The following GLIS3 variants were observed in gnomAD, a reference collection of about 807,000 sequenced individuals.
The protein encoded by GLIS3 is GLIS family zinc finger 3.
GLIS3 carries 53 observed loss-of-function variants against 78.6 expected under a neutral mutation model. The ratio of observed to expected loss-of-function variants is 0.67; its 90% CI spans 0.54 to 0.85. The LOEUF (loss-of-function observed/expected upper bound fraction) is 0.85. Among genes scored for constraint, GLIS3 ranks in the 40% least tolerant of loss-of-function variants. GLIS3 has a pLI of 0.00. For synonymous variants in GLIS3, 684 were observed against 509.9 expected (o/e 1.34, Z -4.60); for missense variants, 1,703 against 1,231.1 (o/e 1.38, Z -5.74).
intron 2 of GLIS3, among the ~76,000 whole-genome samples, chr9:4,155,109 A>G (rs146425602): frequency 0.012 from 1,770 of 152,352 alleles, 13 homozygotes; most frequent in Non-Finnish European, 0.017. Flanking sequence ...GTACTTGTAG[A>G]TAAGTTTCTT....
At chr9:3,873,382 G>A (rs1369956759) in intron 8 of GLIS3, among the ~76,000 whole-genome samples, 2 of 152,120 alleles carry the variant, frequency 1.3e-5, no homozygotes, top group African/African-American at 4.8e-5. Context: ...GGACAAGTGC[G>A]ATTTATACGA....
At chr9:4,203,308 A>G (rs932237332) in intron 2 of GLIS3, among the ~76,000 whole-genome samples, 3 of 152,178 alleles carry the variant, frequency 2.0e-5, no homozygotes, top group Non-Finnish European at 4.4e-5. Context: ...GCTGTTATTA[A>G]AAAGTGAAAA....
At chr9:3,898,271 T>G (rs7045410) in intron 7 of GLIS3, 42,592 of 263,758 alleles carry the variant, frequency 0.16, 3,921 homozygotes, top group Non-Finnish European at 0.19. Context: ...GGTTTGCTGA[T>G]GTGAAAATTT....
At chr9:4,401,362 C>T in the GLIS3 span, among the ~76,000 whole-genome samples, 14 of 151,874 alleles carry the variant, frequency 9.2e-5, no homozygotes, top group East Asian at 1.4e-3. Flanking sequence ...CACGTTCAAG[C>T]GATTCTCCTG....
intron 4 of GLIS3, among the ~76,000 whole-genome samples, chr9:4,047,615 G>A (rs1825360043): frequency 6.6e-6 from 1 of 152,152 alleles, no homozygotes; most frequent in African/African-American, 2.4e-5. Flanking sequence ...AGATGCATAA[G>A]TGACTTACAC....
intron 9 of GLIS3, among the ~76,000 whole-genome samples, chr9:3,836,964 C>G (rs1818391775): frequency 6.6e-6 from 1 of 152,196 alleles, no homozygotes; most frequent in Non-Finnish European, 1.5e-5. Flanking sequence ...TGGAGGACCC[C>G]AGCCTAATGT....
chr9:4,126,335 C>A (rs2130915806), intron 2 of GLIS3, among the ~76,000 whole-genome samples: 1 of 152,294 alleles, frequency 6.6e-6, no homozygotes, highest in Admixed American at 6.5e-5. Flanking sequence ...GTTGACACTA[C>A]TGGAAAAAAC....
chr9:4,081,838 A>G (rs1459659806), intron 4 of GLIS3, among the ~76,000 whole-genome samples: 1 of 152,228 alleles, frequency 6.6e-6, no homozygotes, highest in East Asian at 1.9e-4. Flanking sequence ...TTCTACAATC[A>G]TTACCAAGAA....
At chr9:3,952,240 A>G (rs570049919) in intron 4 of GLIS3, among the ~76,000 whole-genome samples, 11 of 152,194 alleles carry the variant, frequency 7.2e-5, no homozygotes, top group Admixed American at 1.3e-4. Context: ...GTTTAGGGGG[A>G]AAAAGGTTAG....
intron 2 of GLIS3, among the ~76,000 whole-genome samples, chr9:4,319,984 TGTGTGTGTGTGTGTGTGTGTG>T (rs775052970): frequency 2.3e-4 from 1 of 4,258 alleles, no homozygotes; most frequent in African/African-American, 4.3e-4. Flanking sequence ...TAGAGGGGGT[TGTGTGTGTGTGTGTGTGTGTG>T]TGTGTGTGTG....
In GLIS3 at chr9:3,879,420, G is replaced by A. The variant is rs770162542; in HGVS notation, c.2297+7C>T. The A allele has an allele frequency of 2.5e-6, 4 of 1,613,532 alleles. No individual in the cohort carries two copies. In the African/African-American group the frequency reaches 4.0e-5, roughly 16 times the overall value. ...ACCTATTAGGAGAGAGAGACAGATG[G>A]CCTTACCTCTCAGCTCCTGCGTCCA... On this transcript the variant is annotated splice_region_variant and intron_variant, in intron 8 of 10. Coordinates refer to ENST00000381971, the MANE Select transcript of GLIS3 (RefSeq NM_001042413.2).
intron 8 of GLIS3, 65 bp from the exon 9 acceptor site, chr9:3,856,249 C>G: frequency 1.4e-6 from 2 of 1,443,418 alleles, no homozygotes; most frequent in Non-Finnish European, 1.9e-6. Context: ...GACAAACTCT[C>G]CAAAGCCAAA....
chr9:4,217,488 C>G (rs930425319), intron 2 of GLIS3, among the ~76,000 whole-genome samples: 1 of 152,176 alleles, frequency 6.6e-6, no homozygotes, highest in African/African-American at 2.4e-5. Flanking sequence ...ATATAGTATA[C>G]AGCATGGACT....
At chr9:4,105,857 T>G (rs556982477) in intron 4 of GLIS3, among the ~76,000 whole-genome samples, 1 of 151,984 alleles carries the variant, frequency 6.6e-6, no homozygotes, top group Non-Finnish European at 1.5e-5. Context: ...GGACACACAA[T>G]AGAACACGAT....
the GLIS3 span, among the ~76,000 whole-genome samples, chr9:4,413,074 C>T: frequency 6.6e-6 from 1 of 152,206 alleles, no homozygotes; most frequent in African/African-American, 2.4e-5. Flanking sequence ...ACTACCCTAA[C>T]AAATACAACA....
intron 2 of GLIS3, among the ~76,000 whole-genome samples, chr9:4,194,949 GACAA>G (rs1818673612): frequency 6.6e-6 from 1 of 152,218 alleles, no homozygotes; most frequent in Non-Finnish European, 1.5e-5. Context: ...GTCATTCTGT[GACAA>G]CCTGGCAGTG....
chr9:4,078,782 C>T lies in GLIS3; in HGVS notation c.1710+38986G>A, dbSNP rs142541122. The stretch of plus-strand genomic sequence containing the variant: ...AAAGTTTGGCATGAAAGTTTTGGCT[C>T]CAGGCTGTCCTTTCTTTCAGTGAAA... On this transcript the variant is annotated intron_variant, in intron 4 of 10. Transcript: ENST00000381971. Among the ~76,000 whole-genome samples the T allele has an allele frequency of 6.7e-3, 1,026 of 152,258 alleles. 3 individuals are homozygous for T. The highest frequency in any genetic ancestry group is 9.2e-3 in the Non-Finnish European group (626 of 68,014).
chr9:4,234,334 A>C (rs1017380636), intron 2 of GLIS3, among the ~76,000 whole-genome samples: 1 of 152,198 alleles, frequency 6.6e-6, no homozygotes, highest in African/African-American at 2.4e-5. Flanking sequence ...TTGAATACTT[A>C]AAGGCCATTC....
intron 2 of GLIS3, among the ~76,000 whole-genome samples, chr9:4,139,992 A>G (rs2130981028): frequency 1.3e-5 from 2 of 152,296 alleles, no homozygotes; most frequent in Admixed American, 1.3e-4. Flanking sequence ...TTCAGTATGT[A>G]AGAGCTGGTT....
Sources: allele counts gnomAD v4.1 joint callset (sites outside exome capture counted in the v4.1 genomes callset), GRCh38; gene constraint gnomAD v4.1.1; transcripts MANE v1.5; gene names NCBI Gene and HGNC (gene_info 2026-07-23, HGNC 2026-07-21).